IQUB: variants seen among roughly 807,000 people sequenced by gnomAD.
IQUB encodes the protein IQ motif and ubiquitin-like domain-containing protein.
Under a neutral mutation model 86.4 loss-of-function variants are expected in IQUB, and 86 were observed. The observed-to-expected ratio is 1.00, with a 90% CI of 0.84 to 1.19. IQUB has a LOEUF of 1.19. IQUB is among the 50% of genes most tolerant of loss of function. The probability of loss-of-function intolerance (pLI) is 0.00; values close to 1 mark genes in which losing one functional copy is unlikely to be tolerated. For missense variants in IQUB, 946 were observed against 916.9 expected (o/e 1.03, Z -0.41); for synonymous variants, 289 against 304.5 (o/e 0.95, Z 0.53).
intron 7 of IQUB, among the ~76,000 whole-genome samples, chr7:123,487,725 C>G (rs910525955): frequency 6.6e-6 from 1 of 152,198 alleles, no homozygotes; most frequent in South Asian, 2.1e-4. Context: ...ATGGCTACAA[C>G]TTACAAACTT....
intron 7 of IQUB, among the ~76,000 whole-genome samples, 156 bp from the exon 8 acceptor site, chr7:123,480,126 C>T (rs565179681): frequency 1.2e-4 from 18 of 151,966 alleles, no homozygotes; most frequent in African/African-American, 2.7e-4. Context: ...AAAAAAGTGA[C>T]GAAATGGAAG....
At chr7:123,499,992 C>T (rs1795869035) in intron 6 of IQUB, among the ~76,000 whole-genome samples, 1 of 152,222 alleles carries the variant, frequency 6.6e-6, no homozygotes, top group Non-Finnish European at 1.5e-5. Flanking sequence ...GTCATCCTCA[C>T]TGCTACACTC....
intron 3 of IQUB, among the ~76,000 whole-genome samples, chr7:123,503,872 C>T (rs781233997): frequency 1.8e-4 from 27 of 151,818 alleles, no homozygotes; most frequent in Admixed American, 2.6e-4. Flanking sequence ...AGAAGGAATT[C>T]GGCATTATAA....
chr7:123,486,635 C>A (rs1422653417), intron 7 of IQUB, among the ~76,000 whole-genome samples: 1 of 152,052 alleles, frequency 6.6e-6, no homozygotes, highest in South Asian at 2.1e-4. Context: ...TAAAAATAAA[C>A]ATGAATCCTT....
intron 3 of IQUB, among the ~76,000 whole-genome samples, chr7:123,506,710 T>A (rs761421349): frequency 1.3e-5 from 2 of 152,162 alleles, no homozygotes; most frequent in Admixed American, 1.3e-4. Flanking sequence ...CAATTCAACA[T>A]GAGATTTGGG....
At chr7:123,508,802 G>A (rs570932122) in intron 3 of IQUB, among the ~76,000 whole-genome samples, 8 of 152,276 alleles carry the variant, frequency 5.3e-5, no homozygotes, top group African/African-American at 1.4e-4. Context: ...AGTTTCTTGA[G>A]TTTTGGGTTT....
chr7:123,492,768 A>C (rs1045920156), intron 7 of IQUB, among the ~76,000 whole-genome samples: 1 of 152,112 alleles, frequency 6.6e-6, no homozygotes, highest in African/African-American at 2.4e-5. Context: ...CAGATGATTC[A>C]AACTCACCAT....
chr7:123,520,032 T>C (rs1466976318), intron 1 of IQUB, among the ~76,000 whole-genome samples: 3 of 150,108 alleles, frequency 2.0e-5, no homozygotes, highest in Non-Finnish European at 3.0e-5. Flanking sequence ...TTTAGCTGTG[T>C]GTAGAGACAC....
chr7:123,480,564 T>G (rs1040506156), intron 7 of IQUB, among the ~76,000 whole-genome samples: 3 of 152,082 alleles, frequency 2.0e-5, no homozygotes, highest in Non-Finnish European at 4.4e-5. Flanking sequence ...TTTCCTTCCC[T>G]CTCTCAACTG....
rs1022586381 is a variant in IQUB at position 123,510,100 on chromosome 7, CACAA to C, written c.398-69_398-66del. The C allele has an allele frequency of 1.2e-5, 12 of 997,978 alleles. No individual in the cohort carries two copies. In the African/African-American group the frequency reaches 1.5e-4, roughly 12 times the overall value. The allele number at this position is 997,978 out of a possible 1,614,324, so 61.8% of individuals were successfully genotyped here. On this transcript the variant is annotated intron_variant, in intron 2 of 12. Coordinates refer to ENST00000324698, the MANE Select transcript of IQUB (RefSeq NM_178827.5). ...TAGCAAAGGTCAGCAAACTACAGTC[CACAA>C]ACAGATACAGAATTATGTGTTAATT...
intron 1 of IQUB, among the ~76,000 whole-genome samples, chr7:123,519,929 A>T (rs1796827177): frequency 6.6e-6 from 1 of 152,186 alleles, no homozygotes; most frequent in African/African-American, 2.4e-5. Context: ...ATAAACAAAA[A>T]TTTTTAAATT....
chr7:123,524,578 T>C (rs1483362001), intron 1 of IQUB, among the ~76,000 whole-genome samples: 2 of 149,730 alleles, frequency 1.3e-5, no homozygotes, highest in Admixed American at 1.3e-4. Flanking sequence ...TGAAATTGCT[T>C]ATCAGCTTAA....
At chr7:123,492,981 C>G (rs556036911) in intron 7 of IQUB, among the ~76,000 whole-genome samples, 10 of 152,194 alleles carry the variant, frequency 6.6e-5, no homozygotes, top group Non-Finnish European at 1.2e-4. Flanking sequence ...CTTGTATTCT[C>G]TACTGTATAG....
At chr7:123,457,878 T>G (rs1282860745) in intron 11 of IQUB, 1 of 213,262 alleles carries the variant, frequency 4.7e-6, no homozygotes, top group African/African-American at 2.4e-5. Flanking sequence ...TGGTATTGAA[T>G]GATCTTTAAA....
chr7:123,502,873 TGA>T (rs1325491765), intron 5 of IQUB, 69 bp downstream of exon 5: 6 of 1,432,272 alleles, frequency 4.2e-6, no homozygotes, highest in South Asian at 2.7e-5. Context: ...AAGAGAAATT[TGA>T]GAGAGTCATA....
chr7:123,494,117 C>CT, intron 7 of IQUB, among the ~76,000 whole-genome samples: 1 of 152,102 alleles, frequency 6.6e-6, no homozygotes, highest in Middle Eastern at 3.4e-3. Context: ...TACTTAGCAC[C>CT]TTTTTTTCCA....
At chr7:123,453,822 TA>T (rs1793565179) in intron 12 of IQUB, among the ~76,000 whole-genome samples, 1 of 152,204 alleles carries the variant, frequency 6.6e-6, no homozygotes, top group African/African-American at 2.4e-5. Context: ...TTATATTCAT[TA>T]AATTTTCTTG....
At chr7:123,497,552 C>T (rs1795756583) in intron 6 of IQUB, among the ~76,000 whole-genome samples, 1 of 151,846 alleles carries the variant, frequency 6.6e-6, no homozygotes, top group African/African-American at 2.4e-5. Context: ...ACTAAACCCT[C>T]AAAAAGTTTA....
At chr7:123,528,576 T>C (rs1173886504) in intron 1 of IQUB, among the ~76,000 whole-genome samples, 1 of 152,044 alleles carries the variant, frequency 6.6e-6, no homozygotes, top group Non-Finnish European at 1.5e-5. Context: ...TATCTCAGTG[T>C]AGGAGTCCAT....
Sources: gnomAD v4.1 joint callset for allele counts (sites outside exome capture counted in the v4.1 genomes callset) on GRCh38, gnomAD v4.1.1 for gene constraint, MANE v1.5 for transcripts, NCBI Gene and HGNC (gene_info 2026-07-23, HGNC 2026-07-21) for gene names.